Variants in TSHZ3 observed in about 807,000 individuals in gnomAD.
TSHZ3 encodes teashirt zinc finger homeobox 3.
TSHZ3 carries 10 observed loss-of-function variants against 64.5 expected under a neutral mutation model. The ratio of observed to expected loss-of-function variants is 0.16; its 90% CI spans 0.10 to 0.26. The LOEUF (loss-of-function observed/expected upper bound fraction) is 0.26, where lower values mean the gene tolerates loss of function less well. Ranked by LOEUF, TSHZ3 falls within the 10% of genes least tolerant of loss-of-function variation. TSHZ3 has a pLI of 1.00. For missense variants in TSHZ3, 1,242 were observed against 1,421.7 expected, an observed-to-expected ratio of 0.87 and a Z score of 2.03; for synonymous variants, 608 against 593.1, an observed-to-expected ratio of 1.03 and a Z score of -0.36.
chr19:31,274,482 C>T (rs139796697), downstream of TSHZ3, among the ~76,000 whole-genome samples: 14 of 152,166 alleles, frequency 9.2e-5, 1 homozygote, highest in African/African-American at 2.9e-4. Flanking sequence ...TTCTGTTTCC[C>T]GCTGTTTGAA....
intron 1 of TSHZ3, among the ~76,000 whole-genome samples, chr19:31,312,561 C>G (rs911173924): frequency 1.3e-5 from 2 of 152,200 alleles, no homozygotes; most frequent in African/African-American, 4.8e-5. Flanking sequence ...AAGACACTTT[C>G]CTACAGAAAC....
At chr19:31,219,090 A>T (rs1025173173) in intron 4 of TSHZ3, among the ~76,000 whole-genome samples, 1 of 152,142 alleles carries the variant, frequency 6.6e-6, no homozygotes, top group Non-Finnish European at 1.5e-5. Context: ...GGCTCTAAAG[A>T]CTTAAGGGAA....
chr19:31,346,843 G>GT (rs550322247), intron 1 of TSHZ3, among the ~76,000 whole-genome samples: 3,546 of 145,490 alleles, frequency 0.024, 130 homozygotes, highest in African/African-American at 0.081. Flanking sequence ...TAAATGTGGA[G>GT]TTTTTTTTTT....
At chr19:31,288,539 G>A (rs1004206349) in intron 1 of TSHZ3, among the ~76,000 whole-genome samples, 6 of 152,146 alleles carry the variant, frequency 3.9e-5, no homozygotes. Context: ...CAAGAGGGCA[G>A]TAGCTGGACT....
intron 1 of TSHZ3, among the ~76,000 whole-genome samples, chr19:31,298,960 C>T (rs1335375069): frequency 1.3e-5 from 2 of 152,146 alleles, no homozygotes; most frequent in Non-Finnish European, 2.9e-5. Context: ...TCTGGGAGGC[C>T]GAGGTGGGTG....
intron 1 of TSHZ3, among the ~76,000 whole-genome samples, chr19:31,337,743 A>ACACACACACG (rs1347385079): frequency 6.6e-6 from 1 of 151,976 alleles, no homozygotes; most frequent in African/African-American, 2.4e-5. Context: ...ACACACACAC[A>ACACACACACG]CACACACACA....
chr19:31,166,675 A>C (rs557908609), intron 5 of TSHZ3, among the ~76,000 whole-genome samples: 3 of 152,322 alleles, frequency 2.0e-5, no homozygotes, highest in African/African-American at 7.2e-5. Context: ...AGGGCAGTCA[A>C]GATGCCGGTG....
At chr19:31,349,142 G>T in intron 1 of TSHZ3, 38 bp downstream of exon 1, 1 of 1,532,952 alleles carries the variant, frequency 6.5e-7, no homozygotes, top group Non-Finnish European at 8.8e-7. Flanking sequence ...CGGAGGAAGA[G>T]GAGGAGGAGA....
chr19:31,173,461 T>A (rs988445577), intron 5 of TSHZ3, among the ~76,000 whole-genome samples: 1 of 152,182 alleles, frequency 6.6e-6, no homozygotes, highest in Non-Finnish European at 1.5e-5. Flanking sequence ...AAAAATGAGG[T>A]CACATTAAGA....
At chr19:31,152,655 G>T (rs577162323) in intron 6 of TSHZ3, among the ~76,000 whole-genome samples, 1 of 152,252 alleles carries the variant, frequency 6.6e-6, no homozygotes, top group African/African-American at 2.4e-5. Context: ...TTCCTGATTA[G>T]GGATGGAGTA....
At chr19:31,181,366 G>A (rs796606764) in intron 5 of TSHZ3, among the ~76,000 whole-genome samples, 23 of 152,196 alleles carry the variant, frequency 1.5e-4, no homozygotes, top group African/African-American at 4.8e-4. Flanking sequence ...TTTAGGCCTG[G>A]TAATATTACC....
chr19:31,339,757 C>A (rs1009839871), intron 1 of TSHZ3, among the ~76,000 whole-genome samples: 1 of 151,208 alleles, frequency 6.6e-6, no homozygotes, highest in Non-Finnish European at 1.5e-5. Flanking sequence ...CCTGGGAAAT[C>A]GTACTCCATC....
intron 1 of TSHZ3, among the ~76,000 whole-genome samples, chr19:31,327,943 A>G (rs1262763883): frequency 1.3e-5 from 2 of 152,226 alleles, no homozygotes; most frequent in Non-Finnish European, 2.9e-5. Context: ...AAACCAATAC[A>G]TCGGCTGTCA....
At chr19:31,286,245 C>T (rs994442681) in intron 1 of TSHZ3, among the ~76,000 whole-genome samples, 1 of 152,230 alleles carries the variant, frequency 6.6e-6, no homozygotes, top group Admixed American at 6.5e-5. Flanking sequence ...AACTGAAGAA[C>T]TTGGCATGCA....
At chr19:31,314,852 G>A (rs1208499523) in intron 1 of TSHZ3, among the ~76,000 whole-genome samples, 3 of 152,230 alleles carry the variant, frequency 2.0e-5, no homozygotes, top group East Asian at 1.9e-4. Flanking sequence ...AGCTCCAGGG[G>A]AAGGCTCAGC....
At chr19:31,265,501 G>A (rs541340650) in intron 1 of TSHZ3, among the ~76,000 whole-genome samples, 1 of 151,296 alleles carries the variant, frequency 6.6e-6, no homozygotes, top group South Asian at 2.1e-4. Flanking sequence ...TCTCCCTATT[G>A]TAAATTGAAG....
At chr19:31,150,303 T>C (rs1465527472) in exon 7 of TSHZ3, among the ~76,000 whole-genome samples, 3 of 152,182 alleles carry the variant, frequency 2.0e-5, no homozygotes, top group Non-Finnish European at 4.4e-5. Context: ...TTCTTTCAGC[T>C]TGCAGTGGGC....
intron 1 of TSHZ3, among the ~76,000 whole-genome samples, chr19:31,320,171 T>G (rs1271230967): frequency 1.3e-5 from 2 of 152,142 alleles, no homozygotes; most frequent in African/African-American, 4.8e-5. Flanking sequence ...AGGACCCAAC[T>G]TGAGAATGAC....
intron 3 of TSHZ3, among the ~76,000 whole-genome samples, chr19:31,231,204 G>T (rs1475502545): frequency 6.6e-6 from 1 of 152,054 alleles, no homozygotes; most frequent in Non-Finnish European, 1.5e-5. Flanking sequence ...CAATCCATTG[G>T]CAAAAGGATT....
Sources: allele counts gnomAD v4.1 joint callset (sites outside exome capture counted in the v4.1 genomes callset), GRCh38; gene constraint gnomAD v4.1.1; transcripts MANE v1.5; gene names NCBI Gene and HGNC (gene_info 2026-07-23, HGNC 2026-07-21).